The following EML1 variants were observed in gnomAD, a reference collection of about 807,000 sequenced individuals.
EML1 encodes the protein echinoderm microtubule-associated protein-like 1.
In EML1, 27 loss-of-function variants were observed where a neutral mutation model predicts 110.4. That is an observed-to-expected ratio of 0.24 (90% confidence interval 0.18 to 0.34). The LOEUF is 0.34. EML1 is among the 10% of genes least tolerant of loss of function. The pLI is 1.00. For synonymous variants in EML1, 344 were observed against 385.8 expected, an observed-to-expected ratio of 0.89 and a Z score of 1.27; for missense variants, 741 against 1,030.9, an observed-to-expected ratio of 0.72 and a Z score of 3.85.
At position 99,939,238 on chromosome 14, in the gene EML1, G is replaced by A. The variant is rs753296372; in HGVS notation, c.2233G>A (p.Val745Ile). Residue 745 changes from valine (V) to isoleucine (I), a missense_variant, in exon 21 of 22, where the codon GTC (valine) becomes ATC (isoleucine). Transcript: ENST00000262233. This position sits in a 1 kb window ranked among gnomAD's most constrained non-coding sequence, Gnocchi z 4.2. ...CTCGGACGGAACCGACATCAATGCCGTCTGTCGGGCCCATGAGAAGAAACT... is the reference window on the plus strand; with the variant it reads ...CTCGGACGGAACCGACATCAATGCCATCTGTCGGGCCCATGAGAAGAAACT... Reference protein sequence around the residue: ...EGSDGTDINAVCRAHEKKLLS... With the variant: ...EGSDGTDINAICRAHEKKLLS... The A allele has an allele frequency of 3.1e-6, 5 of 1,614,208 alleles. No homozygotes were observed. Among genetic ancestry groups the A allele is most frequent in the Non-Finnish European group, 2.5e-6 (3 of 1,180,036 alleles).
intron 13 of EML1, among the ~76,000 whole-genome samples, chr14:99,913,472 T>C (rs924272125): frequency 1.3e-5 from 2 of 152,154 alleles, no homozygotes; most frequent in Non-Finnish European, 2.9e-5. Context: ...CTACCACACC[T>C]GGCCTATATT....
At chr14:99,786,887 T>C (rs1043678538) in intron 1 of EML1, among the ~76,000 whole-genome samples, 6 of 152,160 alleles carry the variant, frequency 3.9e-5, no homozygotes, top group African/African-American at 1.4e-4. Flanking sequence ...AGGCTACTGT[T>C]GCAATGTTCC....
intron 1 of EML1, among the ~76,000 whole-genome samples, chr14:99,738,137 CCCAGGA>C (rs2056991680): frequency 6.6e-6 from 1 of 152,212 alleles, no homozygotes; most frequent in Non-Finnish European, 1.5e-5. Flanking sequence ...CCAGAGCTGA[CCCAGGA>C]CAGAGGGGCA....
Position 99,813,431 on chromosome 14 carries a change from A to G in EML1, c.67+19888A>G, listed in dbSNP as rs533952814. Among the ~76,000 whole-genome samples the G allele has an allele frequency of 1.5e-3, 233 of 152,300 alleles. 1 individual carries two copies. Among genetic ancestry groups the G allele is most frequent in the African/African-American group, 5.5e-3 (227 of 41,560 alleles). On this transcript the variant is annotated intron_variant, in intron 1 of 21. Transcript: ENST00000262233. ...TCTTTACCTATTAAAAACGATTGAG[A>G]TGGCCAGGTGTGGTGGCTCACGCCT...
chr14:99,924,787 C>T (rs1194151763), intron 17 of EML1, among the ~76,000 whole-genome samples: 2 of 152,158 alleles, frequency 1.3e-5, no homozygotes, highest in African/African-American at 4.8e-5. Flanking sequence ...GAGGTTTTAG[C>T]ATGAATGGGG....
chr14:99,737,735 C>A, exon 1 of EML1: 1 of 1,223,656 alleles, frequency 8.2e-7, no homozygotes, highest in South Asian at 1.3e-5. Context: ...TGGGGCTGGA[C>A]GCGGAGGAGC....
At chr14:99,848,219 A>T (rs906472273) in intron 1 of EML1, among the ~76,000 whole-genome samples, 2 of 152,146 alleles carry the variant, frequency 1.3e-5, no homozygotes, top group African/African-American at 4.8e-5. Flanking sequence ...CACAATATAC[A>T]TCTGTGACTT....
chr14:99,939,427 T>A lies in EML1; in HGVS notation c.2322+100T>A. 1 of 1,534,880 alleles carries A rather than the reference T, an allele frequency of 6.5e-7. No individual in the cohort carries two copies. ...GTGGAAATGGGCTGTGAGCGACTGC[T>A]GCCAGCCACAAAGGCAGATGTGACT... On this transcript the variant is annotated intron_variant, in intron 21 of 21. Transcript: ENST00000262233. This position sits in a 1 kb window ranked among gnomAD's most constrained non-coding sequence, Gnocchi z 4.2.
At chr14:99,918,420 C>T (rs150612157) in intron 16 of EML1, among the ~76,000 whole-genome samples, 17 of 152,300 alleles carry the variant, frequency 1.1e-4, no homozygotes, top group African/African-American at 3.1e-4. Context: ...CCTACAATCT[C>T]GAGGATTTGT....
chr14:99,843,297 T>TTTTAAAA (rs2058660642), intron 1 of EML1, among the ~76,000 whole-genome samples: 1 of 152,176 alleles, frequency 6.6e-6, no homozygotes, highest in Non-Finnish European at 1.5e-5. Flanking sequence ...GATTCTTTCA[T>TTTTAAAA]GATTTAAAAA....
intron 17 of EML1, among the ~76,000 whole-genome samples, chr14:99,932,646 T>TTA (rs35176514): frequency 1.4e-4 from 19 of 134,358 alleles, no homozygotes; most frequent in African/African-American, 5.4e-4. Flanking sequence ...GACTCCATCT[T>TTA]AAAAAAAAAA....
intron 9 of EML1, among the ~76,000 whole-genome samples, chr14:99,904,718 C>A (rs906039194): frequency 6.6e-6 from 1 of 152,182 alleles, no homozygotes; most frequent in South Asian, 2.1e-4. Flanking sequence ...AGTACTGCCA[C>A]GTGTTACAAG....
chr14:99,935,988 T>A (rs1361980139), intron 17 of EML1, 41 bp from the exon 18 acceptor site: 7 of 1,502,314 alleles, frequency 4.7e-6, no homozygotes, highest in Non-Finnish European at 5.5e-6. Context: ...ACAAAATGTG[T>A]ATTGTTAACA....
In EML1 at chr14:99,783,789, G is replaced by C. The variant is rs2057569302; in HGVS notation, c.-27+9776G>C. Among the ~76,000 whole-genome samples, 7 of 152,280 alleles carry C rather than the reference G, an allele frequency of 4.6e-5. 1 individual carries two copies. In the South Asian group the frequency reaches 1.5e-3, roughly 32 times the overall value. On this transcript the variant is annotated intron_variant, in intron 1 of 22. Transcript: ENST00000327921. ...TGAGCCACCACGTCTGGCCCCAAAGGGGTACTATTAATGAGCACCCAGGAC... is the reference window on the plus strand; with the variant it reads ...TGAGCCACCACGTCTGGCCCCAAAGCGGTACTATTAATGAGCACCCAGGAC...
rs774506565 is a variant in EML1 at position 99,939,340 on chromosome 14, T to C, written c.2322+13T>C. ...CTCGCAGTTCAGGGTAAAGGACTTG[T>C]TTCTTCACTAATCTTATCCCCCATG... On this transcript the variant is annotated intron_variant, in intron 21 of 21. Transcript: ENST00000262233. This position sits in a 1 kb window ranked among gnomAD's most constrained non-coding sequence, Gnocchi z 4.2. 1.9e-6 allele frequency: 3 copies of C among 1,614,072 alleles called. No homozygotes were observed. Among genetic ancestry groups the C allele is most frequent in the Admixed American group, 3.3e-5 (2 of 60,006 alleles).
chr14:99,892,280 A>G, intron 5 of EML1: 6 of 835,456 alleles, frequency 7.2e-6, no homozygotes, highest in Non-Finnish European at 8.7e-6. Context: ...AGGCAAACAG[A>G]TGCTCTCCTT....
chr14:99,812,570 C>T (rs1290138024), intron 1 of EML1, among the ~76,000 whole-genome samples: 1 of 150,996 alleles, frequency 6.6e-6, no homozygotes, highest in East Asian at 1.9e-4. Flanking sequence ...ACGGCCCTCC[C>T]TGTACAATCG....
At chr14:99,891,959 T>G (rs1301711381) in intron 5 of EML1, among the ~76,000 whole-genome samples, 1 of 152,220 alleles carries the variant, frequency 6.6e-6, no homozygotes, top group East Asian at 1.9e-4. Flanking sequence ...TCACTGAAAA[T>G]GTACTTGCTG....
At chr14:99,934,492 C>A (rs1191015712) in intron 17 of EML1, among the ~76,000 whole-genome samples, 1 of 152,222 alleles carries the variant, frequency 6.6e-6, no homozygotes, top group Non-Finnish European at 1.5e-5. Flanking sequence ...TCCTGCCTGG[C>A]AGAAGGAAAA....
Sources: gnomAD v4.1 joint callset for allele counts (sites outside exome capture counted in the v4.1 genomes callset) on GRCh38, gnomAD v4.1.1 for gene constraint, Gnocchi (gnomAD v3.1) non-coding constraint, MANE v1.5 for transcripts, NCBI Gene and HGNC (gene_info 2026-07-23, HGNC 2026-07-21) for gene names.